Variants in CACNA1D observed in about 807,000 individuals in gnomAD.
CACNA1D encodes voltage-dependent L-type calcium channel subunit alpha-1D.
A neutral mutation model predicts 257.1 loss-of-function variants in CACNA1D; 55 were observed. That is an observed-to-expected ratio of 0.21 (90% CI 0.17 to 0.27). The LOEUF is 0.27. Among genes scored for constraint, CACNA1D ranks in the 10% least tolerant of loss-of-function variants. The pLI, the probability that CACNA1D is intolerant of heterozygous loss-of-function variation, is 1.00. For missense variants in CACNA1D, 1,876 were observed against 2,784.0 expected (o/e 0.67, Z 7.34); for synonymous variants, 980 against 1,014.9 (o/e 0.97, Z 0.65).
chr3:53,555,352 G>A (rs866939209), intron 3 of CACNA1D, among the ~76,000 whole-genome samples: 1 of 151,942 alleles, frequency 6.6e-6, no homozygotes, highest in African/African-American at 2.4e-5. Flanking sequence ...ATAGGGCTTT[G>A]CCCGTGGAGT....
At chr3:53,528,853 G>A (rs1375251539) in intron 3 of CACNA1D, among the ~76,000 whole-genome samples, 2 of 152,028 alleles carry the variant, frequency 1.3e-5, no homozygotes, top group Non-Finnish European at 2.9e-5. Context: ...TGTATATGTT[G>A]CCTTGTACAT....
At chr3:53,567,303 C>G (rs192883219) in intron 3 of CACNA1D, among the ~76,000 whole-genome samples, 2 of 152,212 alleles carry the variant, frequency 1.3e-5, no homozygotes, top group Non-Finnish European at 2.9e-5. Context: ...TATGTACAAT[C>G]TCTGTACAGG....
chr3:53,501,814 T>C lies in CACNA1D; in HGVS notation c.483+94T>C, dbSNP rs914376711. On this transcript the variant is annotated intron_variant, in intron 3 of 47. Transcript: ENST00000350061. ...AGCTGGCCTTCTGGGTGGTTGAAGT[T>C]TATAGCTATGCATGTCGTGTTTCTT... 3 of 759,856 alleles carry C rather than the reference T, an allele frequency of 3.9e-6. No homozygotes were observed. The African/African-American group carries it at 5.1e-5, about 13-fold the overall frequency. 47.1% of individuals were successfully genotyped at this position (759,856 alleles called of 1,614,324 possible).
intron 3 of CACNA1D, among the ~76,000 whole-genome samples, chr3:53,622,894 C>CT (rs200259187): frequency 0.027 from 3,963 of 144,812 alleles, 145 homozygotes; most frequent in East Asian, 0.086. Context: ...TGAAAGAAGC[C>CT]TTTTTTTTTT....
At chr3:53,782,258 G>GTATATATATA (rs1475863956) in intron 39 of CACNA1D, 3 of 52,120 alleles carry the variant, frequency 5.8e-5, no homozygotes, top group Non-Finnish European at 9.5e-5. Context: ...GTGTGTGTGT[G>GTATATATATA]TGTGTGTATA....
chr3:53,551,261 G>T (rs1250574613), intron 3 of CACNA1D, among the ~76,000 whole-genome samples: 2 of 152,154 alleles, frequency 1.3e-5, no homozygotes, highest in African/African-American at 4.8e-5. Flanking sequence ...CCCTGGCCAC[G>T]GTCACACATG....
At chr3:53,692,948 C>T (rs190942505) in intron 8 of CACNA1D, among the ~76,000 whole-genome samples, 1 of 152,216 alleles carries the variant, frequency 6.6e-6, no homozygotes, top group East Asian at 1.9e-4. Context: ...ATTCCAGCTG[C>T]TTGGGAGGCT....
intron 5 of CACNA1D, among the ~76,000 whole-genome samples, chr3:53,662,520 T>C (rs377014954): frequency 1.3e-5 from 2 of 152,254 alleles, no homozygotes; most frequent in East Asian, 3.9e-4. Context: ...ATCCTAAAGA[T>C]CATCTGGTCT....
chr3:53,782,006 G>A, intron 39 of CACNA1D: 1 of 272,186 alleles, frequency 3.7e-6, no homozygotes, highest in Non-Finnish European at 7.0e-6. Flanking sequence ...TTCAAAACTA[G>A]TTTCCAATTA....
rs970185395 is a variant in CACNA1D at position 53,793,071 on chromosome 3, A to T, written c.4923+6119A>T. Among the ~76,000 whole-genome samples the T allele has an allele frequency of 6.6e-6, 1 of 152,172 alleles. No individual in the cohort carries two copies. The highest frequency in any genetic ancestry group is 2.4e-5 in the African/African-American group (1 of 41,436). ...CAGTGTGGCCAGGCCACTTGTCAAG[A>T]TGTTGAAGCACAGCTGCACCTGGTA... On this transcript the variant is annotated intron_variant, in intron 40 of 47. Transcript: ENST00000350061. This position sits in a 1 kb window ranked among gnomAD's most constrained non-coding sequence, Gnocchi z 4.1.
chr3:53,609,991 C>A (rs2093563119), intron 3 of CACNA1D, among the ~76,000 whole-genome samples: 1 of 152,110 alleles, frequency 6.6e-6, no homozygotes, highest in Non-Finnish European at 1.5e-5. Flanking sequence ...TCTTCTTTGA[C>A]CCTTGGATTA....
At chr3:53,614,739 T>C (rs192401924) in intron 3 of CACNA1D, among the ~76,000 whole-genome samples, 1 of 152,314 alleles carries the variant, frequency 6.6e-6, no homozygotes, top group East Asian at 1.9e-4. Context: ...CCCTTTTGTG[T>C]GAACTCCTGT....
chr3:53,646,395 G>A (rs1336298607), intron 3 of CACNA1D, among the ~76,000 whole-genome samples: 1 of 152,016 alleles, frequency 6.6e-6, no homozygotes, highest in African/African-American at 2.4e-5. Context: ...TTTTGTTTTT[G>A]TTTTTTAAAT....
At chr3:53,805,405 G>A (rs1244963784) in intron 45 of CACNA1D, among the ~76,000 whole-genome samples, 1 of 152,182 alleles carries the variant, frequency 6.6e-6, no homozygotes, top group Non-Finnish European at 1.5e-5. Context: ...AAGATTGCAC[G>A]CACACATCTG....
At chr3:53,526,574 G>A (rs1029889445) in intron 3 of CACNA1D, among the ~76,000 whole-genome samples, 1 of 152,194 alleles carries the variant, frequency 6.6e-6, no homozygotes, top group Non-Finnish European at 1.5e-5. Flanking sequence ...ACTGTTCGAG[G>A]TTTTTCAAAC....
chr3:53,562,521 C>T (rs2092758189), intron 3 of CACNA1D, among the ~76,000 whole-genome samples: 1 of 152,058 alleles, frequency 6.6e-6, no homozygotes. Context: ...TTTTTTATAG[C>T]TGTATTGAAG....
At chr3:53,804,761 G>A (rs1447501667) in intron 44 of CACNA1D, among the ~76,000 whole-genome samples, 1 of 152,190 alleles carries the variant, frequency 6.6e-6, no homozygotes, top group Non-Finnish European at 1.5e-5. Context: ...GGAGCTGAGG[G>A]ATCAAAACTG....
At chr3:53,608,110 C>G (rs1220236079) in intron 3 of CACNA1D, among the ~76,000 whole-genome samples, 1 of 152,100 alleles carries the variant, frequency 6.6e-6, no homozygotes, top group Non-Finnish European at 1.5e-5. Flanking sequence ...ATTTTAATAT[C>G]AAGTCTTCTG....
chr3:53,609,136 C>A (rs1008682325), intron 3 of CACNA1D, among the ~76,000 whole-genome samples: 1 of 152,128 alleles, frequency 6.6e-6, no homozygotes, highest in Non-Finnish European at 1.5e-5. Flanking sequence ...TTAGGCCGGG[C>A]GCTGTGGCTC....
Sources: gnomAD v4.1 joint callset for allele counts (sites outside exome capture counted in the v4.1 genomes callset) on GRCh38, gnomAD v4.1.1 for gene constraint, Gnocchi (gnomAD v3.1) non-coding constraint, MANE v1.5 for transcripts, NCBI Gene and HGNC (gene_info 2026-07-23, HGNC 2026-07-21) for gene names.